CREB5: variants seen among roughly 807,000 people sequenced by gnomAD.
The protein encoded by CREB5 is cyclic AMP-responsive element-binding protein 5.
Under a neutral mutation model 57.1 loss-of-function variants are expected in CREB5, and 19 were observed. The observed-to-expected ratio is 0.33, with a 90% CI of 0.23 to 0.49. The LOEUF is 0.49. CREB5 is among the 20% of genes least tolerant of loss of function. CREB5 has a pLI of 0.99. For missense variants in CREB5, 579 were observed against 671.6 expected (o/e 0.86, Z 1.52); for synonymous variants, 238 against 238.3 (o/e 1.00, Z 0.01).
intron 7 of CREB5, among the ~76,000 whole-genome samples, chr7:28,769,123 GAAC>G (rs1023875632): frequency 4.9e-4 from 75 of 152,312 alleles, no homozygotes; most frequent in African/African-American, 1.7e-3. Flanking sequence ...GATAGTAAAA[GAAC>G]AACATTTTTT....
rs1202227131 is a variant in CREB5 at position 28,746,859 on chromosome 7, G to T, written c.702+22527G>T. Among the ~76,000 whole-genome samples the T allele has an allele frequency of 3.3e-5, 5 of 152,138 alleles. No individual in the cohort carries two copies. In the East Asian group the frequency reaches 9.6e-4, roughly 29 times the overall value. On this transcript the variant is annotated intron_variant, in intron 7 of 10. Coordinates refer to ENST00000357727, the MANE Select transcript of CREB5 (RefSeq NM_182898.4). ...TTTCCTAATGAGCCCTTTCAGTAAT[G>T]AAATCCCCTGAGAAAACGTTATTGG...
At chr7:28,455,478 G>A (rs1485561866) in intron 1 of CREB5, among the ~76,000 whole-genome samples, 3 of 152,196 alleles carry the variant, frequency 2.0e-5, no homozygotes, top group South Asian at 2.1e-4. Context: ...AGAAAATAGC[G>A]ACTAGCTATT....
chr7:28,593,953 A>T (rs1216478204), intron 5 of CREB5, among the ~76,000 whole-genome samples: 1 of 152,246 alleles, frequency 6.6e-6, no homozygotes. Context: ...GGAGCCAAGT[A>T]ACCACTGGTG....
intron 5 of CREB5, among the ~76,000 whole-genome samples, chr7:28,706,108 A>C (rs954869834): frequency 6.6e-6 from 1 of 152,180 alleles, no homozygotes; most frequent in African/African-American, 2.4e-5. Flanking sequence ...TAATCCCAAC[A>C]CTTTGGGAGG....
In CREB5 at chr7:28,767,687, T is replaced by C. The variant is rs1051165825; in HGVS notation, c.703-36512T>C. On this transcript the variant is annotated intron_variant, in intron 7 of 10. Coordinates refer to ENST00000357727, the MANE Select transcript of CREB5 (RefSeq NM_182898.4). ...TTTCTACCATCCTCAATTTTATTTC[T>C]GTGGCTTTTTCCACATAAAAGAAAG... Among the ~76,000 whole-genome samples, 6 of 152,374 alleles carry C rather than the reference T, an allele frequency of 3.9e-5. No homozygotes were observed. The East Asian group carries it at 7.7e-4, about 20-fold the overall frequency.
chr7:28,707,078 TC>T (rs928106354), intron 5 of CREB5, among the ~76,000 whole-genome samples: 3 of 151,948 alleles, frequency 2.0e-5, no homozygotes, highest in African/African-American at 7.3e-5. Context: ...AAAGCCGGCT[TC>T]CCTGAGAAGA....
chr7:28,728,264 G>A (rs756657212), intron 7 of CREB5, among the ~76,000 whole-genome samples: 9 of 152,148 alleles, frequency 5.9e-5, no homozygotes, highest in Non-Finnish European at 4.4e-5. Context: ...TACAGCTGAG[G>A]CAACTGAGGC....
intron 1 of CREB5, among the ~76,000 whole-genome samples, chr7:28,316,736 T>C (rs1479195877): frequency 6.6e-6 from 1 of 152,120 alleles, no homozygotes; most frequent in East Asian, 1.9e-4. Flanking sequence ...ATTCTACTGC[T>C]TAGTACAGCA....
intron 1 of CREB5, among the ~76,000 whole-genome samples, chr7:28,361,366 A>G (rs1786476508): frequency 6.6e-6 from 1 of 151,948 alleles, no homozygotes; most frequent in Non-Finnish European, 1.5e-5. Context: ...CTGCCTACAC[A>G]CCAGTTTTCT....
chr7:28,665,596 A>G (rs1421384217), intron 5 of CREB5, among the ~76,000 whole-genome samples: 1 of 152,216 alleles, frequency 6.6e-6, no homozygotes, highest in Non-Finnish European at 1.5e-5. Flanking sequence ...GGGGAAAAAC[A>G]GACAAGCAAG....
chr7:28,741,243 C>T (rs552395973), intron 7 of CREB5, among the ~76,000 whole-genome samples: 38 of 152,278 alleles, frequency 2.5e-4, no homozygotes, highest in Non-Finnish European at 3.7e-4. Context: ...CAGTTTTCCT[C>T]ACAAGAAATG....
chr7:28,776,681 T>C (rs79083558), intron 7 of CREB5, among the ~76,000 whole-genome samples: 108 of 152,332 alleles, frequency 7.1e-4, no homozygotes, highest in African/African-American at 2.6e-3. Flanking sequence ...AAATCCCTTA[T>C]CTGTAAGCAT....
intron 7 of CREB5, among the ~76,000 whole-genome samples, chr7:28,731,811 T>G (rs1007879774): frequency 6.6e-6 from 1 of 152,206 alleles, no homozygotes; most frequent in African/African-American, 2.4e-5. Context: ...AACTGGGAAT[T>G]GAAGCTGATC....
chr7:28,790,212 T>C (rs1422684833), intron 7 of CREB5, among the ~76,000 whole-genome samples: 2 of 152,210 alleles, frequency 1.3e-5, no homozygotes, highest in African/African-American at 2.4e-5. Flanking sequence ...TTCTAAATAA[T>C]ACAAATCAAT....
At position 28,608,365 on chromosome 7, in the gene CREB5, C is replaced by A. The variant is rs115371984; in HGVS notation, c.464+37828C>A. ...ATAAAGGACTTCAGCAGTAAAATACCAGAAAGATCCTTTTGGGAATTCTGT... is the reference window on the plus strand; with the variant it reads ...ATAAAGGACTTCAGCAGTAAAATACAAGAAAGATCCTTTTGGGAATTCTGT... On this transcript the variant is annotated intron_variant, in intron 5 of 10. Coordinates refer to ENST00000357727, the MANE Select transcript of CREB5 (RefSeq NM_182898.4). 4.1e-3 allele frequency among the ~76,000 whole-genome samples: 630 copies of A among 152,020 alleles called. 7 individuals are homozygous for A. The highest frequency in any genetic ancestry group is 0.014 in the African/African-American group (584 of 41,458).
chr7:28,664,028 G>T (rs941976363), intron 5 of CREB5, among the ~76,000 whole-genome samples: 1 of 152,174 alleles, frequency 6.6e-6, no homozygotes, highest in African/African-American at 2.4e-5. Flanking sequence ...CCTTCCCAAA[G>T]ATCTCAAGTG....
At chr7:28,630,033 AC>A (rs1798145038) in intron 5 of CREB5, among the ~76,000 whole-genome samples, 1 of 152,212 alleles carries the variant, frequency 6.6e-6, no homozygotes, top group Admixed American at 6.5e-5. Context: ...AGAGGTGGCT[AC>A]CCACCTTCTG....
Position 28,488,246 on chromosome 7 carries a change from G to C in CREB5, c.75G>C (p.Gln25His). ...TCTGCAGTGCCCCAGGCTGCTCCCA[G>C]GTGAGTGTGCGGATCCTCCCTGCTC... is the stretch of plus-strand genomic sequence containing the variant. ...PFVCSAPGCS[Q>H]RFPTEDHLMI... Residue 25 changes from glutamine (Q) to histidine (H), a missense_variant and splice_region_variant, in exon 2 of 11, where the codon CAG becomes CAC. By Grantham distance (24) the Gln-to-His change is conservative. Coordinates refer to ENST00000357727, the MANE Select transcript of CREB5 (RefSeq NM_182898.4). The C allele has an allele frequency of 6.2e-7, 1 of 1,613,700 alleles. No homozygotes were observed. The highest frequency in any genetic ancestry group is 1.1e-5 in the South Asian group (1 of 91,038).
chr7:28,604,709 T>G (rs1456668684), intron 5 of CREB5, among the ~76,000 whole-genome samples: 2 of 151,956 alleles, frequency 1.3e-5, no homozygotes, highest in Non-Finnish European at 2.9e-5. Flanking sequence ...TGTTGATTGT[T>G]TTCTGTTTCT....
Sources: allele counts gnomAD v4.1 joint callset (sites outside exome capture counted in the v4.1 genomes callset), GRCh38; gene constraint gnomAD v4.1.1; transcripts MANE v1.5; gene names NCBI Gene and HGNC (gene_info 2026-07-23, HGNC 2026-07-21).